The following CCDC146 variants were observed in gnomAD, a reference collection of about 807,000 sequenced individuals.
CCDC146 encodes the protein coiled-coil domain containing 146, also known as coiled-coil domain-containing protein 146.
Under a neutral mutation model 119.3 loss-of-function variants are expected in CCDC146, and 92 were observed. The observed-to-expected ratio is 0.77, with a 90% CI of 0.65 to 0.92. The LOEUF is 0.92. Among genes scored for constraint, CCDC146 ranks in the 40% least tolerant of loss-of-function variants. The pLI is 0.00. For synonymous variants in CCDC146, 372 were observed against 371.8 expected, an observed-to-expected ratio of 1.00 and a Z score of -0.01; for missense variants, 1,000 against 1,103.0, an observed-to-expected ratio of 0.91 and a Z score of 1.32.
intron 1 of CCDC146, among the ~76,000 whole-genome samples, chr7:77,148,302 G>T (rs571138865): frequency 1.3e-5 from 2 of 152,084 alleles, no homozygotes; most frequent in African/African-American, 4.8e-5. Context: ...TCCAGGTGCC[G>T]TCTGTCACCC....
chr7:77,237,644 T>A (rs1232252980), intron 3 of CCDC146, among the ~76,000 whole-genome samples: 1 of 149,720 alleles, frequency 6.7e-6, no homozygotes, highest in Non-Finnish European at 1.5e-5. Context: ...AGCTTGAGTC[T>A]GCTGAGACCC....
chr7:77,286,618 A>G (rs1793852787), intron 15 of CCDC146, among the ~76,000 whole-genome samples, 180 bp from the exon 16 acceptor site: 1 of 152,326 alleles, frequency 6.6e-6, no homozygotes, highest in East Asian at 1.9e-4. Flanking sequence ...GCAGTACCAT[A>G]AATGAGCAGA....
intron 4 of CCDC146, among the ~76,000 whole-genome samples, chr7:77,250,584 A>T (rs1187044903): frequency 6.6e-6 from 1 of 152,102 alleles, no homozygotes; most frequent in South Asian, 2.1e-4. Flanking sequence ...TTTTCCTGTA[A>T]CTTCTCTCAG....
In CCDC146 at chr7:77,196,423, T is replaced by TTTGC; in HGVS notation, c.156+28600_156+28603dup. ...CACCTCTGTATTTTTGGTGATAATA[T>TTTGC]TTGCCATTTAAGTTTGCAGAAAGAC... On this transcript the variant is annotated intron_variant, in intron 2 of 18. Coordinates refer to ENST00000285871, the MANE Select transcript of CCDC146 (RefSeq NM_020879.3). This position sits in a 1 kb window ranked among gnomAD's most constrained non-coding sequence, Gnocchi z 4.2. 1 of 1,614,132 alleles carries TTTGC rather than the reference T, an allele frequency of 6.2e-7. No homozygotes were observed. Among genetic ancestry groups the TTTGC allele is most frequent in the Non-Finnish European group, 8.5e-7 (1 of 1,180,016 alleles).
At chr7:77,263,629 C>T (rs1793344609) in intron 9 of CCDC146, among the ~76,000 whole-genome samples, 1 of 152,170 alleles carries the variant, frequency 6.6e-6, no homozygotes, top group Admixed American at 6.5e-5. Context: ...ATAATCTTTT[C>T]AAGAAGTTCT....
intron 2 of CCDC146, among the ~76,000 whole-genome samples, chr7:77,229,292 C>G (rs2150473327): frequency 6.6e-6 from 1 of 152,214 alleles, no homozygotes; most frequent in East Asian, 1.9e-4. Flanking sequence ...TTGATAGTTT[C>G]TTTTGCTGTG....
intron 1 of CCDC146, among the ~76,000 whole-genome samples, chr7:77,127,028 G>A (rs1382603595): frequency 2.6e-5 from 4 of 152,140 alleles, no homozygotes; most frequent in Non-Finnish European, 5.9e-5. Context: ...TCCAGGAGAG[G>A]AGAGAGGTCA....
intron 2 of CCDC146, among the ~76,000 whole-genome samples, chr7:77,205,419 TTATCTAATA>T (rs1363701511): frequency 6.6e-6 from 1 of 152,146 alleles, no homozygotes; most frequent in Non-Finnish European, 1.5e-5. Flanking sequence ...TGAAAGAAGT[TTATCTAATA>T]TATGTGTTTT....
At chr7:77,173,474 C>G (rs1443410916) in intron 2 of CCDC146, among the ~76,000 whole-genome samples, 3 of 151,880 alleles carry the variant, frequency 2.0e-5, no homozygotes, top group Non-Finnish European at 4.4e-5. Flanking sequence ...ACTAAAAATA[C>G]AAAAATTAGC....
In CCDC146 at chr7:77,287,236, G is replaced by A. The variant is rs1584148759; in HGVS notation, c.2278-204G>A. Reference sequence around the variant, plus strand: ...AGCACATCAGAAGAATGGTGATGTGGATGTTAGATAGAGCTGAGGGGGCCA... The same window carrying A: ...AGCACATCAGAAGAATGGTGATGTGAATGTTAGATAGAGCTGAGGGGGCCA... On this transcript the variant is annotated intron_variant, in intron 16 of 18. Transcript: ENST00000285871. The A allele has an allele frequency of 2.0e-5, 12 of 605,018 alleles. No homozygotes were observed. The East Asian group carries it at 3.4e-4, about 17-fold the overall frequency. 37.5% of individuals were successfully genotyped at this position (605,018 alleles called of 1,614,324 possible).
chr7:77,271,494 T>TAC (rs1554360497), intron 9 of CCDC146, among the ~76,000 whole-genome samples: 7 of 136,686 alleles, frequency 5.1e-5, no homozygotes, highest in Non-Finnish European at 9.3e-5. Flanking sequence ...TATATATATA[T>TAC]ACACACACAC....
chr7:77,267,531 T>C (rs1793430638), intron 9 of CCDC146, among the ~76,000 whole-genome samples: 1 of 152,130 alleles, frequency 6.6e-6, no homozygotes, highest in South Asian at 2.1e-4. Flanking sequence ...TGATCTTTTT[T>C]TTTTTTTTAA....
intron 13 of CCDC146, among the ~76,000 whole-genome samples, chr7:77,279,614 T>C (rs182553609): frequency 1.3e-5 from 2 of 152,294 alleles, no homozygotes; most frequent in African/African-American, 4.8e-5. Flanking sequence ...AAAGAGGTGG[T>C]GTCCAGACTC....
intron 1 of CCDC146, among the ~76,000 whole-genome samples, chr7:77,164,943 A>G (rs1293191443): frequency 1.3e-5 from 2 of 152,246 alleles, no homozygotes; most frequent in Non-Finnish European, 2.9e-5. Flanking sequence ...CCTTAAAAGC[A>G]TGACAATTGC....
intron 2 of CCDC146, among the ~76,000 whole-genome samples, chr7:77,182,878 C>A (rs919898586): frequency 2.0e-5 from 3 of 152,062 alleles, no homozygotes; most frequent in African/African-American, 7.2e-5. Context: ...ACCCTATCAT[C>A]ACCACCAACC....
chr7:77,124,349 A>G (rs1790665175), intron 1 of CCDC146, among the ~76,000 whole-genome samples: 1 of 152,244 alleles, frequency 6.6e-6, no homozygotes, highest in African/African-American at 2.4e-5. Context: ...TATAATGAGT[A>G]TCAAATCTGT....
chr7:77,148,394 C>T (rs1207124127), intron 1 of CCDC146, among the ~76,000 whole-genome samples: 3 of 152,158 alleles, frequency 2.0e-5, no homozygotes, highest in Admixed American at 2.0e-4. Context: ...TCAGCTCACA[C>T]TTGGTGGGCT....
chr7:77,160,089 C>T (rs180759003), intron 1 of CCDC146, among the ~76,000 whole-genome samples: 37 of 152,216 alleles, frequency 2.4e-4, no homozygotes, highest in African/African-American at 7.9e-4. Flanking sequence ...AGATATGCGA[C>T]GCTATTTCTG....
At chr7:77,276,160 C>T (rs1367608271) in intron 11 of CCDC146, among the ~76,000 whole-genome samples, 7 of 149,294 alleles carry the variant, frequency 4.7e-5, no homozygotes, top group Non-Finnish European at 1.0e-4. Flanking sequence ...GAGCCAAAAT[C>T]GCACCACTGC....
Sources: gnomAD v4.1 joint callset for allele counts (sites outside exome capture counted in the v4.1 genomes callset) on GRCh38, gnomAD v4.1.1 for gene constraint, Gnocchi (gnomAD v3.1) non-coding constraint, MANE v1.5 for transcripts, NCBI Gene and HGNC (gene_info 2026-07-23, HGNC 2026-07-21) for gene names.